The following ARVCF variants were observed in gnomAD, a reference collection of about 807,000 sequenced individuals.
ARVCF encodes the protein ARVCF delta catenin family member.
Under a neutral mutation model 90.9 loss-of-function variants are expected in ARVCF, and 66 were observed. The ratio of observed to expected loss-of-function variants is 0.73; its 90% CI spans 0.60 to 0.89. The LOEUF (loss-of-function observed/expected upper bound fraction) is 0.89. Ranked by LOEUF, ARVCF falls within the 40% of genes least tolerant of loss-of-function variation. The probability of loss-of-function intolerance (pLI) is 0.00; values close to 1 mark genes in which losing one functional copy is unlikely to be tolerated. For missense variants in ARVCF, 1,469 were observed against 1,382.3 expected (o/e 1.06, Z -1.00); for synonymous variants, 653 against 603.4 (o/e 1.08, Z -1.21).
intron 1 of ARVCF, among the ~76,000 whole-genome samples, chr22:20,015,013 C>T (rs1195110954): frequency 6.6e-6 from 1 of 152,162 alleles, no homozygotes; most frequent in Non-Finnish European, 1.5e-5. Flanking sequence ...CCAGAGCAAA[C>T]ATGGGAGCCA....
intron 1 of ARVCF, among the ~76,000 whole-genome samples, chr22:20,012,820 T>A (rs1944885230): frequency 2.0e-5 from 3 of 152,248 alleles, no homozygotes; most frequent in South Asian, 4.1e-4. Context: ...GGCATAAGCC[T>A]GGCCCAGGCC....
intron 1 of ARVCF, among the ~76,000 whole-genome samples, chr22:20,016,214 C>A (rs1383476490): frequency 1.3e-5 from 2 of 152,346 alleles, no homozygotes; most frequent in East Asian, 3.9e-4. Flanking sequence ...TCGGCGGCTG[C>A]AGGGCCCTGG....
At chr22:19,975,521 C>G (rs1044365859) in intron 11 of ARVCF, among the ~76,000 whole-genome samples, 165 bp downstream of exon 11, 1 of 152,226 alleles carries the variant, frequency 6.6e-6, no homozygotes, top group Non-Finnish European at 1.5e-5. Flanking sequence ...CAGCAGGTGT[C>G]CTGGTGCTGA....
chr22:19,977,868 C>T (rs1011261746), intron 8 of ARVCF, 90 bp downstream of exon 8: 36 of 1,414,804 alleles, frequency 2.5e-5, no homozygotes, highest in Non-Finnish European at 3.4e-5. Flanking sequence ...AAGCCCATTC[C>T]CCTGTGCTGC....
intron 10 of ARVCF, among the ~76,000 whole-genome samples, chr22:19,976,212 T>C (rs1272267356): frequency 1.3e-5 from 2 of 152,136 alleles, no homozygotes; most frequent in African/African-American, 2.4e-5. Context: ...TGTCCCAGGA[T>C]CTACTAGCCA....
At chr22:20,003,685 T>TA (rs777970296) in intron 2 of ARVCF, among the ~76,000 whole-genome samples, 9 of 152,168 alleles carry the variant, frequency 5.9e-5, no homozygotes, top group Non-Finnish European at 1.2e-4. Context: ...TCTGTCATGA[T>TA]AAAAACACTC....
chr22:19,997,222 G>C (rs963538427), intron 2 of ARVCF, among the ~76,000 whole-genome samples: 3 of 152,212 alleles, frequency 2.0e-5, no homozygotes, highest in Admixed American at 2.0e-4. Flanking sequence ...TTAGGGCAAG[G>C]GCTGGCTCTA....
chr22:19,970,080 G>C lies in ARVCF; in HGVS notation c.*676C>G, dbSNP rs570852533. The C allele has an allele frequency of 1.0e-6, 1 of 985,528 alleles. No individual in the cohort carries two copies. Among genetic ancestry groups the C allele is most frequent in the African/African-American group, 1.7e-5 (1 of 57,352 alleles). 61.0% of individuals were successfully genotyped at this position (985,528 alleles called of 1,614,324 possible). On this transcript the variant is annotated 3_prime_UTR_variant, in exon 20 of 20. Coordinates refer to ENST00000263207, the MANE Select transcript of ARVCF (RefSeq NM_001670.3). ...GGTCAGTCCCGGAGGTGCTGCCCAG[G>C]CTCCAGGCAGATGCGGCAGCCCCGG...
At chr22:19,977,330 A>T (rs1601589760) in intron 9 of ARVCF, 85 bp downstream of exon 9, 1 of 1,438,730 alleles carries the variant, frequency 7.0e-7, no homozygotes. Context: ...AGCCTCCATG[A>T]TGGGCTGCTG....
chr22:19,995,183 T>C (rs988622522), intron 2 of ARVCF, among the ~76,000 whole-genome samples: 3 of 151,696 alleles, frequency 2.0e-5, no homozygotes, highest in Non-Finnish European at 4.4e-5. Flanking sequence ...TAATAGGTGG[T>C]TATATAAGAA....
downstream of ARVCF, among the ~76,000 whole-genome samples, chr22:19,966,196 C>G (rs1334476057): frequency 1.3e-5 from 2 of 152,200 alleles, no homozygotes; most frequent in Non-Finnish European, 2.9e-5. Flanking sequence ...AAACGCACAT[C>G]TGCACACTCA....
At chr22:19,987,554 C>T (rs1943863165) in intron 3 of ARVCF, among the ~76,000 whole-genome samples, 1 of 152,066 alleles carries the variant, frequency 6.6e-6, no homozygotes, top group African/African-American at 2.4e-5. Context: ...GAAACAGTTC[C>T]GGCAGGGCAG....
In ARVCF at chr22:19,973,753, C is replaced by T. The variant is rs1269793713; in HGVS notation, c.2129G>A (p.Gly710Glu). 3 of 1,608,288 alleles carry T rather than the reference C, an allele frequency of 1.9e-6. No individual in the cohort carries two copies. Among genetic ancestry groups the T allele is most frequent in the Non-Finnish European group, 2.5e-6 (3 of 1,179,928 alleles). ...CAGCAGTTCCACAAGCACCGGCAGC[C>T]CGCGCTCTTTGCGCACTGTGGCGCG... ...YIRATVRKER[G>E]LPVLVELLQS... is the part of the protein sequence containing the mutation. The change falls in exon 13 of 20, where the codon GGG becomes GAG. Residue 710 changes from glycine (G) to glutamate (E), a missense_variant. Coordinates refer to ENST00000263207, the MANE Select transcript of ARVCF (RefSeq NM_001670.3).
Position 19,973,205 on chromosome 22 carries a change from GTGGA to G in ARVCF, c.2348_2351del (p.Ile783ThrfsTer80). The G allele has an allele frequency of 1.2e-6, 2 of 1,610,934 alleles. No homozygotes were observed. Among genetic ancestry groups the G allele is most frequent in the Admixed American group, 1.7e-5 (1 of 59,792 alleles). Reference sequence around the variant, plus strand: ...TATCCAGGCTGTCGGACACGATTTCGTGGATGGTGTTGAGCACCGCCACCACGGT... The same window carrying G: ...TATCCAGGCTGTCGGACACGATTTCGTGGTGTTGAGCACCGCCACCACGGT... On this transcript the variant is annotated frameshift_variant, in exon 14 of 20. Transcript: ENST00000263207. LOFTEE classifies it high-confidence loss of function.
chr22:19,988,378 T>C (rs540295775), intron 3 of ARVCF, among the ~76,000 whole-genome samples: 59 of 152,374 alleles, frequency 3.9e-4, no homozygotes, highest in Admixed American at 3.1e-3. Context: ...GCCCGCATCT[T>C]ATCTTTAAGC....
chr22:20,012,446 G>T (rs1944871112), intron 1 of ARVCF, among the ~76,000 whole-genome samples: 1 of 152,260 alleles, frequency 6.6e-6, no homozygotes, highest in Non-Finnish European at 1.5e-5. Context: ...ACAGGACAGT[G>T]ATGTGAAGGC....
downstream of ARVCF, chr22:19,967,730 A>G: frequency 3.8e-6 from 1 of 263,796 alleles, no homozygotes; most frequent in South Asian, 3.7e-5. Context: ...GACTAAGTCA[A>G]ATTTCCAAGA....
chr22:19,987,359 C>G (rs1342517915), intron 3 of ARVCF, among the ~76,000 whole-genome samples: 3 of 145,642 alleles, frequency 2.1e-5, no homozygotes, highest in African/African-American at 2.5e-5. Flanking sequence ...CCTGCAGCCC[C>G]GGGTCGCCCC....
chr22:19,973,002 C>T lies in ARVCF; in HGVS notation c.2473G>A (p.Val825Met). ...SVREAKAASH[V>M]LQTVWSYKEL... ...TTGTAGCTCCACACTGTCTGCAGCA[C>T]GTGTGACGCCGCCTTCGCTTCGCGT... Residue 825 changes from valine (V) to methionine (M), a missense_variant, in exon 15 of 20, where the codon GTG (valine) becomes ATG (methionine). Val to Met is a conservative substitution (Grantham distance 21). Coordinates refer to ENST00000263207, the MANE Select transcript of ARVCF (RefSeq NM_001670.3). The T allele has an allele frequency of 1.2e-6, 2 of 1,613,508 alleles. No homozygotes were observed. Among genetic ancestry groups the T allele is most frequent in the South Asian group, 1.1e-5 (1 of 91,084 alleles).
Sources: gnomAD v4.1 joint callset for allele counts (sites outside exome capture counted in the v4.1 genomes callset) on GRCh38, gnomAD v4.1.1 for gene constraint, MANE v1.5 for transcripts, NCBI Gene and HGNC (gene_info 2026-07-23, HGNC 2026-07-21) for gene names.